The following SLC44A5 variants were observed in gnomAD, a reference collection of about 807,000 sequenced individuals.
SLC44A5 encodes the protein choline transporter-like protein 5.
In SLC44A5, 57 loss-of-function variants were observed where a neutral mutation model predicts 101.8. The observed-to-expected ratio is 0.56, with a 90% CI of 0.45 to 0.70. SLC44A5 has a LOEUF of 0.70. Ranked by LOEUF, SLC44A5 falls within the 30% of genes least tolerant of loss-of-function variation. The pLI is 0.00. For missense variants in SLC44A5, 737 were observed against 853.1 expected (o/e 0.86, Z 1.70); for synonymous variants, 281 against 290.9 (o/e 0.97, Z 0.35).
the SLC44A5 span, among the ~76,000 whole-genome samples, chr1:75,649,455 G>T: frequency 6.6e-6 from 1 of 151,982 alleles, no homozygotes; most frequent in South Asian, 2.1e-4. Context: ...TAAAAGTGTT[G>T]GTCTGCCTTC....
At chr1:75,433,039 GTC>G (rs765993673) in intron 2 of SLC44A5, among the ~76,000 whole-genome samples, 28 of 151,930 alleles carry the variant, frequency 1.8e-4, no homozygotes, top group Non-Finnish European at 3.1e-4. Flanking sequence ...TGTAGCCTCA[GTC>G]TCTCCCTCTG....
chr1:75,548,752 G>T (rs1671785081), intron 1 of SLC44A5, among the ~76,000 whole-genome samples: 1 of 152,188 alleles, frequency 6.6e-6, no homozygotes, highest in South Asian at 2.1e-4. Context: ...AGCTGGAAAG[G>T]ACCTTGGTGG....
At chr1:75,659,115 A>C in the SLC44A5 span, among the ~76,000 whole-genome samples, 1 of 151,942 alleles carries the variant, frequency 6.6e-6, no homozygotes, top group Non-Finnish European at 1.5e-5. Flanking sequence ...ATATGTAACA[A>C]GATAGAACAG....
chr1:75,294,101 T>C (rs1414364794), intron 5 of SLC44A5, among the ~76,000 whole-genome samples: 1 of 152,198 alleles, frequency 6.6e-6, no homozygotes, highest in African/African-American at 2.4e-5. Context: ...TACTTTTTAA[T>C]TGGGAGATAT....
chr1:75,720,006 G>T, the SLC44A5 span, among the ~76,000 whole-genome samples: 2 of 152,176 alleles, frequency 1.3e-5, no homozygotes, highest in South Asian at 4.1e-4. Flanking sequence ...TTCTGGGAAG[G>T]CTTCTAAGAT....
chr1:75,509,296 T>C (rs915074599), intron 2 of SLC44A5, among the ~76,000 whole-genome samples: 1 of 152,114 alleles, frequency 6.6e-6, no homozygotes, highest in Non-Finnish European at 1.5e-5. Context: ...TGAATGATTA[T>C]GAGATTATGC....
intron 2 of SLC44A5, among the ~76,000 whole-genome samples, chr1:75,486,858 A>G (rs12725007): frequency 0.27 from 41,543 of 152,198 alleles, 7,166 homozygotes; most frequent in East Asian, 0.8. Context: ...TATTATTTCA[A>G]TAACATTCAT....
chr1:75,651,583 G>A, the SLC44A5 span, among the ~76,000 whole-genome samples: 2 of 151,630 alleles, frequency 1.3e-5, no homozygotes, highest in Admixed American at 1.3e-4. Context: ...TGTAGTCCCA[G>A]CTACTCGGGA....
chr1:75,456,016 T>C (rs1016673177), intron 2 of SLC44A5, among the ~76,000 whole-genome samples: 2 of 152,050 alleles, frequency 1.3e-5, no homozygotes, highest in Non-Finnish European at 2.9e-5. Flanking sequence ...TGAGTACTTA[T>C]CCAAAAGAAA....
chr1:75,343,506 T>A (rs1234878428), intron 3 of SLC44A5, among the ~76,000 whole-genome samples: 1 of 152,132 alleles, frequency 6.6e-6, no homozygotes. Context: ...AAAATGACAA[T>A]ATAACTACCA....
chr1:75,677,252 A>T, the SLC44A5 span, among the ~76,000 whole-genome samples: 1 of 152,348 alleles, frequency 6.6e-6, no homozygotes, highest in East Asian at 1.9e-4. Context: ...TAGAAGGGCT[A>T]AAAGTTTAAC....
chr1:75,276,339 A>T (rs1352876544), intron 5 of SLC44A5, among the ~76,000 whole-genome samples: 1 of 152,208 alleles, frequency 6.6e-6, no homozygotes, highest in Non-Finnish European at 1.5e-5. Flanking sequence ...GTATCATTAC[A>T]TTCTGCTTCT....
At chr1:75,609,634 C>T (rs931819349) in intron 1 of SLC44A5, among the ~76,000 whole-genome samples, 3 of 151,838 alleles carry the variant, frequency 2.0e-5, no homozygotes, top group African/African-American at 7.3e-5. Context: ...GGAATCAGTA[C>T]TCAAAAAAGC....
chr1:75,508,220 T>C (rs931344090), intron 2 of SLC44A5, among the ~76,000 whole-genome samples: 71 of 152,078 alleles, frequency 4.7e-4, no homozygotes, highest in Non-Finnish European at 2.2e-4. Flanking sequence ...TACACCATTA[T>C]ATGGAAATTA....
intron 2 of SLC44A5, among the ~76,000 whole-genome samples, chr1:75,488,726 T>C (rs1668284389): frequency 6.6e-6 from 1 of 152,228 alleles, no homozygotes; most frequent in Non-Finnish European, 1.5e-5. Context: ...AAATCTGTCA[T>C]GTGATAATCA....
chr1:75,391,979 C>A (rs1355312351), intron 3 of SLC44A5, among the ~76,000 whole-genome samples: 1 of 152,002 alleles, frequency 6.6e-6, no homozygotes, highest in Non-Finnish European at 1.5e-5. Flanking sequence ...CATAGTGAGA[C>A]CCCCATCTCT....
chr1:75,425,016 ATTAGGT>A (rs770248632), intron 2 of SLC44A5, among the ~76,000 whole-genome samples: 1 of 152,234 alleles, frequency 6.6e-6, no homozygotes, highest in Non-Finnish European at 1.5e-5. Context: ...GCACTGCTCC[ATTAGGT>A]TCATTTAAAA....
At chr1:75,667,849 T>TG in the SLC44A5 span, among the ~76,000 whole-genome samples, 1 of 151,608 alleles carries the variant, frequency 6.6e-6, no homozygotes, top group Non-Finnish European at 1.5e-5. Context: ...ATTAAACAGA[T>TG]GGAAAAACCC....
intron 3 of SLC44A5, among the ~76,000 whole-genome samples, chr1:75,388,905 T>A (rs2669075): frequency 0.25 from 38,126 of 151,932 alleles, 5,058 homozygotes; most frequent in African/African-American, 0.33. Context: ...ACCCAACCTT[T>A]CTCTGTCTTC....
Sources: allele counts gnomAD v4.1 joint callset (sites outside exome capture counted in the v4.1 genomes callset), GRCh38; gene constraint gnomAD v4.1.1; transcripts MANE v1.5; gene names NCBI Gene and HGNC (gene_info 2026-07-23, HGNC 2026-07-21).